The following COX10 variants were observed in gnomAD, a reference collection of about 807,000 sequenced individuals.
COX10 encodes protoheme IX farnesyltransferase, mitochondrial.
In COX10, 27 loss-of-function variants were observed where a neutral mutation model predicts 37.3. That is an observed-to-expected ratio of 0.72 (90% CI 0.53 to 1.00). COX10 has a LOEUF of 1.00. Ranked by LOEUF, COX10 falls within the 50% of genes least tolerant of loss-of-function variation. The probability of loss-of-function intolerance (pLI) is 0.00; values close to 1 mark genes in which losing one functional copy is unlikely to be tolerated. For missense variants in COX10, 475 were observed against 563.2 expected, an observed-to-expected ratio of 0.84 and a Z score of 1.59; for synonymous variants, 222 against 229.1, an observed-to-expected ratio of 0.97 and a Z score of 0.28.
At chr17:14,076,453 A>G (rs1210423385) in intron 2 of COX10, among the ~76,000 whole-genome samples, 1 of 152,138 alleles carries the variant, frequency 6.6e-6, no homozygotes, top group Non-Finnish European at 1.5e-5. Flanking sequence ...GAGATGAATA[A>G]CAAGTAAATT....
chr17:14,197,290 T>C (rs1906394903), intron 6 of COX10, among the ~76,000 whole-genome samples: 1 of 152,184 alleles, frequency 6.6e-6, no homozygotes, highest in African/African-American at 2.4e-5. Flanking sequence ...CTGGCTCATT[T>C]TGTGCTTTTT....
At chr17:14,172,523 T>C (rs908236574) in intron 5 of COX10, among the ~76,000 whole-genome samples, 1 of 152,088 alleles carries the variant, frequency 6.6e-6, no homozygotes, top group Admixed American at 6.5e-5. Flanking sequence ...TTAGTGATGT[T>C]GAGCATTTTC....
chr17:14,102,012 A>G, intron 3 of COX10, 106 bp from the exon 4 acceptor site: 3 of 1,374,818 alleles, frequency 2.2e-6, no homozygotes, highest in Admixed American at 1.7e-5. Flanking sequence ...TGTTATTAAT[A>G]TAATCAATTA....
intron 4 of COX10, among the ~76,000 whole-genome samples, chr17:14,154,861 G>C (rs905816619): frequency 1.2e-4 from 12 of 98,610 alleles, no homozygotes; most frequent in Non-Finnish European, 2.4e-4. Flanking sequence ...CCCTTGGGCA[G>C]TTTGCTCTGT....
intron 6 of COX10, among the ~76,000 whole-genome samples, chr17:14,192,450 G>A (rs1906236060): frequency 6.6e-6 from 1 of 151,912 alleles, no homozygotes; most frequent in South Asian, 2.1e-4. Context: ...GAATGTCTGG[G>A]AGAAAAAAAA....
In COX10 at chr17:14,069,514, CA is replaced by C. The variant is rs1264479304; in HGVS notation, c.-91del. ...AAGTGGCGGCCCGGAACTACTCCCA[CA>C]GGGGGGCGGGGAAGGAAGATGGCGG... is the stretch of plus-strand genomic sequence containing the variant. On this transcript the variant is annotated 5_prime_UTR_variant, in exon 1 of 7. Transcript: ENST00000261643. 7 of 1,509,388 alleles carry C rather than the reference CA, an allele frequency of 4.6e-6. No individual in the cohort carries two copies. The highest frequency in any genetic ancestry group is 6.4e-6 in the Non-Finnish European group (7 of 1,094,102). 93.5% of individuals were successfully genotyped at this position (1,509,388 alleles called of 1,614,324 possible).
At chr17:14,148,609 G>A (rs184472639) in intron 4 of COX10, among the ~76,000 whole-genome samples, 53 of 152,226 alleles carry the variant, frequency 3.5e-4, no homozygotes, top group African/African-American at 1.3e-3. Flanking sequence ...CTAGAAGAAT[G>A]TTGTGACCAT....
intron 5 of COX10, among the ~76,000 whole-genome samples, chr17:14,169,135 A>G (rs1905378787): frequency 6.6e-6 from 1 of 152,182 alleles, no homozygotes; most frequent in South Asian, 2.1e-4. Flanking sequence ...GCTGCTTAGA[A>G]ATTTCTTCTG....
At position 14,077,059 on chromosome 17, in the gene COX10, A is replaced by G. The variant is rs1427731764; in HGVS notation, c.499+3A>G. On this transcript the variant is annotated splice_donor_region_variant and intron_variant, in intron 3 of 6. Coordinates refer to ENST00000261643, the MANE Select transcript of COX10 (RefSeq NM_001303.4). ...ACTATCCAAAATCAAACTCACAGGT[A>G]CTTTGTTTTTCTGATATACTTACTT... 6.2e-7 allele frequency: 1 copy of G among 1,613,836 alleles called. No individual in the cohort carries two copies. The highest frequency in any genetic ancestry group is 1.3e-5 in the African/African-American group (1 of 75,034).
In COX10 at chr17:14,145,598, C is replaced by G. The variant is rs77382514; in HGVS notation, c.625-14279C>G. ...AAGAGCCTAGAGAGGTAAAAGGAGG[C>G]AAGAGCTGTTATGAAGAGCTTTGTA... On this transcript the variant is annotated intron_variant, in intron 4 of 6. Transcript: ENST00000261643. 8.2e-4 allele frequency among the ~76,000 whole-genome samples: 125 copies of G among 152,192 alleles called. 2 individuals are homozygous for G. The highest frequency in any genetic ancestry group is 5.2e-3 in the East Asian group (27 of 5,168).
chr17:14,116,886 C>G (rs577094791), intron 4 of COX10, among the ~76,000 whole-genome samples: 3 of 152,288 alleles, frequency 2.0e-5, no homozygotes, highest in Admixed American at 6.5e-5. Flanking sequence ...GATCATATCC[C>G]TCTTCTAATC....
chr17:14,077,922 ATTTT>A (rs58059969), intron 3 of COX10, among the ~76,000 whole-genome samples: 1,474 of 143,016 alleles, frequency 0.01, 8 homozygotes, highest in African/African-American at 0.012. Flanking sequence ...GGAAAGAGTG[ATTTT>A]TTTTTTTTTT....
At chr17:14,124,660 A>G (rs558486729) in intron 4 of COX10, among the ~76,000 whole-genome samples, 4 of 152,268 alleles carry the variant, frequency 2.6e-5, no homozygotes, top group African/African-American at 9.6e-5. Flanking sequence ...GTGACTTGCC[A>G]TGTTCTTGCC....
chr17:14,166,834 C>G (rs2142244737), intron 5 of COX10, among the ~76,000 whole-genome samples: 1 of 142,206 alleles, frequency 7.0e-6, no homozygotes, highest in Admixed American at 7.4e-5. Context: ...TGGGGTTTCA[C>G]CATGTTGGTC....
chr17:14,133,515 AAATT>A (rs747329893), intron 4 of COX10, among the ~76,000 whole-genome samples: 10 of 151,732 alleles, frequency 6.6e-5, no homozygotes, highest in Non-Finnish European at 1.2e-4. Flanking sequence ...ATAGTGTTAT[AAATT>A]AATTAACAAA....
intron 5 of COX10, among the ~76,000 whole-genome samples, chr17:14,160,448 A>G (rs1250241973): frequency 1.3e-5 from 2 of 152,222 alleles, no homozygotes; most frequent in African/African-American, 4.8e-5. Context: ...ATGGTTAATA[A>G]TTAAACATTT....
intron 5 of COX10, among the ~76,000 whole-genome samples, chr17:14,188,821 GC>G (rs1567610980): frequency 6.6e-6 from 1 of 151,832 alleles, no homozygotes; most frequent in Non-Finnish European, 1.5e-5. Context: ...GAAGCTTTCT[GC>G]TAAAGCTTTG....
rs369617552 is a variant in COX10, at chr17:14,106,697, T to C, written c.624+4455T>C. On this transcript the variant is annotated intron_variant, in intron 4 of 6. Coordinates refer to ENST00000261643, the MANE Select transcript of COX10 (RefSeq NM_001303.4). ...CTCGGTTTGTAGGTAACATCAGAAA[T>C]GTTCTTTTAATTCAAGTTGTTTTGA... Among the ~76,000 whole-genome samples the C allele has an allele frequency of 6.6e-5, 10 of 152,236 alleles. No individual in the cohort carries two copies. In the East Asian group the frequency reaches 1.7e-3, roughly 27 times the overall value.
At chr17:14,084,137 A>C (rs1187958358) in intron 3 of COX10, among the ~76,000 whole-genome samples, 1 of 152,296 alleles carries the variant, frequency 6.6e-6, no homozygotes, top group Admixed American at 6.5e-5. Flanking sequence ...TGTATAGTTT[A>C]AGAAGTCAAC....
Sources: gnomAD v4.1 joint callset for allele counts (sites outside exome capture counted in the v4.1 genomes callset) on GRCh38, gnomAD v4.1.1 for gene constraint, MANE v1.5 for transcripts, NCBI Gene and HGNC (gene_info 2026-07-23, HGNC 2026-07-21) for gene names.